MAP3K12: variants seen among roughly 807,000 people sequenced by gnomAD.
MAP3K12 encodes the protein MAPK-upstream kinase.
In MAP3K12, 14 loss-of-function variants were observed where a neutral mutation model predicts 87.5. The observed-to-expected ratio is 0.16, with a 90% CI of 0.11 to 0.25. The LOEUF (loss-of-function observed/expected upper bound fraction) is 0.25. MAP3K12 is among the 10% of genes least tolerant of loss of function. MAP3K12 has a pLI of 1.00. For synonymous variants in MAP3K12, 469 were observed against 452.5 expected (o/e 1.04, Z -0.46); for missense variants, 802 against 1,140.4 (o/e 0.70, Z 4.27).
chr12:53,500,741 C>G (rs968878375), upstream of MAP3K12: 1 of 152,700 alleles, frequency 6.5e-6, no homozygotes. Flanking sequence ...CAGGATCCGA[C>G]GGCAGCCTCT....
In MAP3K12 at chr12:53,484,302, T is replaced by G. The variant is rs761132788; in HGVS notation, c.1203A>C (p.Ser401=). ...RQILLHLDIA[S]ADVLSTPQET... ...CCTGGGGTGTGGAGAGTACATCAGCTGAGGCAATGTCCAGATGCAGCAGGA... is the reference window on the plus strand; with the variant it reads ...CCTGGGGTGTGGAGAGTACATCAGCGGAGGCAATGTCCAGATGCAGCAGGA... The change falls in exon 7 of 14, where the codon TCA becomes TCC. Residue 401 remains serine (S), a synonymous_variant. Coordinates refer to ENST00000547488, the MANE Select transcript of MAP3K12 (RefSeq NM_001193511.2). 1.2e-6 allele frequency: 2 copies of G among 1,614,184 alleles called. No individual in the cohort carries two copies. Among genetic ancestry groups the G allele is most frequent in the Admixed American group, 3.3e-5 (2 of 60,016 alleles).
chr12:53,480,340 G>A lies in MAP3K12; in HGVS notation c.*842C>T, dbSNP rs1345843087. ...ATTCCTATAATTTTAGAAAGTTGGGGCTTGACATTATACTCATTTAGTGAG... is the reference window on the plus strand; with the variant it reads ...ATTCCTATAATTTTAGAAAGTTGGGACTTGACATTATACTCATTTAGTGAG... On this transcript the variant is annotated 3_prime_UTR_variant, in exon 14 of 14. Coordinates refer to ENST00000547488, the MANE Select transcript of MAP3K12 (RefSeq NM_001193511.2). 1 of 152,206 alleles carries A rather than the reference G, an allele frequency of 6.6e-6. No homozygotes were observed. The highest frequency in any genetic ancestry group is 1.5e-5 in the Non-Finnish European group (1 of 68,030). 9.4% of individuals were successfully genotyped at this position (152,206 alleles called of 1,614,324 possible).
At chr12:53,501,105 G>A (rs2139776), upstream of MAP3K12, 1 of 459,400 alleles carries the variant, frequency 2.2e-6, no homozygotes, top group East Asian at 4.1e-5. Flanking sequence ...AAGGAGGCGG[G>A]ACGGTATTAC....
In MAP3K12 at chr12:53,486,368, T is replaced by G; in HGVS notation, c.629+71A>C. The G allele has an allele frequency of 1.3e-6, 2 of 1,578,614 alleles. No homozygotes were observed. Among genetic ancestry groups the G allele is most frequent in the South Asian group, 2.3e-5 (2 of 85,216 alleles). On this transcript the variant is annotated intron_variant, in intron 3 of 13. Coordinates refer to ENST00000547488, the MANE Select transcript of MAP3K12 (RefSeq NM_001193511.2). The surrounding 1 kb of genome is among the most constrained non-coding windows in gnomAD (Gnocchi z 4.9). Reference sequence around the variant, plus strand: ...CTCCTCTGGGGAAGGATGGGGTAGGTCCCACTGCCCAGGAGGGTACCAGGC... The same window carrying G: ...CTCCTCTGGGGAAGGATGGGGTAGGGCCCACTGCCCAGGAGGGTACCAGGC...
chr12:53,498,425 T>C (rs923056384), intron 1 of MAP3K12, among the ~76,000 whole-genome samples: 2 of 152,026 alleles, frequency 1.3e-5, no homozygotes, highest in African/African-American at 2.4e-5. Context: ...TCATGTGCAC[T>C]CCCTTCTGAT....
At chr12:53,493,298 G>C (rs1487559929) in intron 1 of MAP3K12, among the ~76,000 whole-genome samples, 3 of 152,216 alleles carry the variant, frequency 2.0e-5, no homozygotes, top group South Asian at 2.1e-4. Context: ...AGGATCTTAG[G>C]TGCGGACCCC....
At chr12:53,493,286 C>A (rs1234779348) in intron 1 of MAP3K12, among the ~76,000 whole-genome samples, 1 of 152,042 alleles carries the variant, frequency 6.6e-6, no homozygotes, top group Non-Finnish European at 1.5e-5. Flanking sequence ...GGGATGGCTG[C>A]GAGGATCTTA....
In MAP3K12 at chr12:53,479,912, A is replaced by G. The variant is rs1942945046; in HGVS notation, c.*1270T>C. ...CTCAAAGGACCCTTCTTGGGTTTTG[A>G]ATGGAAGCCTTTATTCCGGTTAAGA... On this transcript the variant is annotated 3_prime_UTR_variant, in exon 14 of 14. Transcript: ENST00000547488. 6.6e-6 allele frequency: 1 copy of G among 152,280 alleles called. No homozygotes were observed. Among genetic ancestry groups the G allele is most frequent in the Admixed American group, 6.5e-5 (1 of 15,278 alleles). The allele number at this position is 152,280 out of a possible 1,614,324, so 9.4% of individuals were successfully genotyped here.
chr12:53,494,565 CCTT>C (rs80087685), intron 1 of MAP3K12, among the ~76,000 whole-genome samples: 61 of 152,152 alleles, frequency 4.0e-4, no homozygotes, highest in Non-Finnish European at 1.5e-4. Context: ...CTCTCTAGCT[CCTT>C]CTTGTATAAC....
chr12:53,488,338 G>A (rs1208569001), intron 1 of MAP3K12, among the ~76,000 whole-genome samples: 1 of 152,154 alleles, frequency 6.6e-6, no homozygotes, highest in South Asian at 2.1e-4. Flanking sequence ...ATGGAGATGT[G>A]TCCCAGTTCA....
At chr12:53,498,643 G>A (rs1258787041) in intron 1 of MAP3K12, among the ~76,000 whole-genome samples, 1 of 152,148 alleles carries the variant, frequency 6.6e-6, no homozygotes, top group African/African-American at 2.4e-5. Flanking sequence ...AGGAGTGTTT[G>A]TGGGAAAGGG....
In MAP3K12 at chr12:53,484,624, C is replaced by G. The variant is rs1291332254; in HGVS notation, c.1140-259G>C. On this transcript the variant is annotated intron_variant, in intron 6 of 13. Coordinates refer to ENST00000547488, the MANE Select transcript of MAP3K12 (RefSeq NM_001193511.2). ...AATAAAAGCCTTTTCTGAATAACTT[C>G]ATTGAAGGAACCACATTTTGGGAAA... 1.6e-5 allele frequency: 8 copies of G among 488,082 alleles called. No homozygotes were observed. In the South Asian group the frequency reaches 1.8e-4, roughly 11 times the overall value. 30.2% of individuals were successfully genotyped at this position (488,082 alleles called of 1,614,324 possible). A position where few individuals can be genotyped will look rare whatever the true frequency, so the allele number is the denominator to read the frequency against.
At position 53,499,415 on chromosome 12, in the gene MAP3K12, C is replaced by T. The variant is rs1943628016; in HGVS notation, c.-38+12G>A. On this transcript the variant is annotated intron_variant, in intron 1 of 13. Transcript: ENST00000547488. Reference sequence around the variant, plus strand: ...TGCCCCCCACCCCCCCACAACTCGGCCAGGCTCTCACCTCGGGGGCTCCGC... The same window carrying T: ...TGCCCCCCACCCCCCCACAACTCGGTCAGGCTCTCACCTCGGGGGCTCCGC... 7.1e-6 allele frequency: 1 copy of T among 140,194 alleles called. No individual in the cohort carries two copies. The highest frequency in any genetic ancestry group is 1.6e-5 in the Non-Finnish European group (1 of 64,410). The allele number at this position is 140,194 out of a possible 1,614,324, so 8.7% of individuals were successfully genotyped here.
chr12:53,498,747 G>C (rs1376429464), intron 1 of MAP3K12, among the ~76,000 whole-genome samples: 1 of 152,074 alleles, frequency 6.6e-6, no homozygotes, highest in African/African-American at 2.4e-5. Context: ...ACGTGAATGG[G>C]GGAGGGGAGG....
At chr12:53,492,763 C>T (rs1005533344) in intron 1 of MAP3K12, among the ~76,000 whole-genome samples, 1 of 152,048 alleles carries the variant, frequency 6.6e-6, no homozygotes, top group African/African-American at 2.4e-5. Flanking sequence ...CTCCCCGCCC[C>T]CACCACCTCC....
rs751543864 is a variant in MAP3K12 at position 53,486,542 on chromosome 12, G to A, written c.526C>T (p.Arg176Cys). 2 of 1,614,100 alleles carry A rather than the reference G, an allele frequency of 1.2e-6. No homozygotes were observed. The highest frequency in any genetic ancestry group is 1.7e-6 in the Non-Finnish European group (2 of 1,180,006). Reference protein sequence around the residue: ...SGAQGAVFLGRFHGEEVAVKK... With the variant: ...SGAQGAVFLGCFHGEEVAVKK... ...ACAGCCACCTCCTCCCCGTGGAAGC[G>A]CCCCAGGAAGACAGCACCCTGGGCC... is the stretch of plus-strand genomic sequence containing the variant. Residue 176 changes from arginine (R) to cysteine (C), a missense_variant, in exon 3 of 14, where the codon CGC (arginine) becomes TGC (cysteine). Around this residue, in one of 5 missense-constraint regions of MAP3K12, gnomAD observed 57 missense variants for 161.8 expected, o/e 0.35. Transcript: ENST00000547488. This position sits in a 1 kb window ranked among gnomAD's most constrained non-coding sequence, Gnocchi z 4.9.
In MAP3K12 at chr12:53,486,626, T is replaced by C. The variant is rs922253434; in HGVS notation, c.446-4A>G. The C allele has an allele frequency of 8.2e-6, 13 of 1,579,996 alleles. No individual in the cohort carries two copies. Among genetic ancestry groups the C allele is most frequent in the Non-Finnish European group, 9.5e-6 (11 of 1,163,614 alleles). ...TCAAAGGGGACCTCCCAAAGGTCTG[T>C]GGGCAGGAGGCACAGTGCCACAAGC... On this transcript the variant is annotated splice_polypyrimidine_tract_variant and splice_region_variant and intron_variant, in intron 2 of 13. Coordinates refer to ENST00000547488, the MANE Select transcript of MAP3K12 (RefSeq NM_001193511.2). This position sits in a 1 kb window ranked among gnomAD's most constrained non-coding sequence, Gnocchi z 4.9.
intron 1 of MAP3K12, among the ~76,000 whole-genome samples, chr12:53,492,206 A>C (rs975270112): frequency 9.9e-5 from 15 of 152,206 alleles, no homozygotes; most frequent in African/African-American, 3.6e-4. Flanking sequence ...CTCTAGGTTA[A>C]TGCGCCTTCT....
chr12:53,489,302 T>TC lies in MAP3K12; in HGVS notation c.-37-1875_-37-1874insG, dbSNP rs150517617. Among the ~76,000 whole-genome samples the TC allele has an allele frequency of 2.0e-3, 303 of 152,126 alleles. 1 individual carries two copies. Among genetic ancestry groups the TC allele is most frequent in the African/African-American group, 7.1e-3 (295 of 41,490 alleles). ...CCACTGAATCCCAGCCTGGGCGAAG[T>TC]AGCCAAACCCCGTCTCAAAAAACAA... On this transcript the variant is annotated intron_variant, in intron 1 of 13. Coordinates refer to ENST00000547488, the MANE Select transcript of MAP3K12 (RefSeq NM_001193511.2).
Sources: gnomAD v4.1 joint callset for allele counts (sites outside exome capture counted in the v4.1 genomes callset) on GRCh38, gnomAD v4.1.1 for gene constraint, gnomAD v4.1.1 regional missense constraint, Gnocchi (gnomAD v3.1) non-coding constraint, MANE v1.5 for transcripts, NCBI Gene and HGNC (gene_info 2026-07-23, HGNC 2026-07-21) for gene names.